The following CDH12 variants were observed in gnomAD, a reference collection of about 807,000 sequenced individuals.
CDH12 encodes cadherin-12.
CDH12 carries 41 observed loss-of-function variants against 74.1 expected under a neutral mutation model. The observed-to-expected ratio is 0.55, with a 90% confidence interval of 0.43 to 0.72. CDH12 has a LOEUF of 0.72. Among genes scored for constraint, CDH12 ranks in the 30% least tolerant of loss-of-function variants. The pLI is 0.00. For missense variants in CDH12, 945 were observed against 977.2 expected (o/e 0.97, Z 0.44); for synonymous variants, 399 against 355.0 (o/e 1.12, Z -1.39).
At chr5:22,372,094 C>A (rs1741316535) in intron 3 of CDH12, among the ~76,000 whole-genome samples, 1 of 152,158 alleles carries the variant, frequency 6.6e-6, no homozygotes, top group South Asian at 2.1e-4. Flanking sequence ...ATAATGCTAG[C>A]TTAGTTCAGA....
chr5:22,362,499 T>C (rs1309215289), intron 3 of CDH12, among the ~76,000 whole-genome samples: 5 of 152,166 alleles, frequency 3.3e-5, no homozygotes, highest in African/African-American at 4.8e-5. Context: ...TAAACTAGTT[T>C]AACCATTGTG....
intron 11 of CDH12, among the ~76,000 whole-genome samples, chr5:21,780,964 CAAAG>C (rs1402527775): frequency 2.0e-5 from 3 of 152,008 alleles, no homozygotes; most frequent in Non-Finnish European, 4.4e-5. Context: ...TTGGGGAAAA[CAAAG>C]AGAATGAGGA....
At chr5:22,233,611 C>A (rs1480539601) in intron 3 of CDH12, among the ~76,000 whole-genome samples, 1 of 152,140 alleles carries the variant, frequency 6.6e-6, no homozygotes, top group Non-Finnish European at 1.5e-5. Flanking sequence ...CACCAAATGT[C>A]ATTTCTTCAG....
Position 21,975,092 on chromosome 5 carries a change from C to T in CDH12, c.525G>A (p.Val175=), listed in dbSNP as rs2150122418. The T allele has an allele frequency of 6.3e-7, 1 of 1,591,442 alleles. No homozygotes were observed. The highest frequency in any genetic ancestry group is 1.3e-5 in the African/African-American group (1 of 74,606). ...YVATVPEMSP[V]GAYVLQVKAT... ...CAGAATTTTGATTTGCCTACTCACC[C>T]ACAGGAGACATTTCTGGAACAGTAG... Residue 175 remains valine, a splice_region_variant and synonymous_variant, in exon 6 of 15, where the codon GTG becomes GTA. Coordinates refer to ENST00000382254, the MANE Select transcript of CDH12 (RefSeq NM_004061.5).
At chr5:22,126,100 C>T (rs1745850370) in intron 4 of CDH12, among the ~76,000 whole-genome samples, 1 of 151,680 alleles carries the variant, frequency 6.6e-6, no homozygotes, top group Admixed American at 6.6e-5. Context: ...TTTAATAAAG[C>T]TTACATAGGA....
Position 22,290,140 on chromosome 5 carries a change from A to C in CDH12, c.-332-77497T>G, listed in dbSNP as rs566450422. Among the ~76,000 whole-genome samples, 3 of 152,266 alleles carry C rather than the reference A, an allele frequency of 2.0e-5. No individual in the cohort carries two copies. The East Asian group carries it at 5.8e-4, about 29-fold the overall frequency. On this transcript the variant is annotated intron_variant, in intron 3 of 14. Coordinates refer to ENST00000382254, the MANE Select transcript of CDH12 (RefSeq NM_004061.5). ...TACCCCAGTGCCATGCCTGCTACAA[A>C]GCTTTCTCAGTCAAAGCCAGTCTGC...
intron 1 of CDH12, among the ~76,000 whole-genome samples, chr5:22,721,927 C>T (rs1743917929): frequency 6.6e-6 from 1 of 152,138 alleles, no homozygotes; most frequent in Non-Finnish European, 1.5e-5. Flanking sequence ...GATGCCTCCC[C>T]AGCCATGCAG....
chr5:22,347,730 G>T (rs1193741292), intron 3 of CDH12, among the ~76,000 whole-genome samples: 2 of 152,108 alleles, frequency 1.3e-5, no homozygotes, highest in African/African-American at 2.4e-5. Context: ...ATTATTATTT[G>T]TAGCATTAGT....
chr5:22,646,854 C>G (rs757428017), intron 1 of CDH12, among the ~76,000 whole-genome samples: 9 of 151,806 alleles, frequency 5.9e-5, no homozygotes, highest in South Asian at 4.1e-4. Context: ...CACCCATAAC[C>G]TAGGTTAGTT....
intron 6 of CDH12, among the ~76,000 whole-genome samples, chr5:21,915,734 G>C (rs1385969281): frequency 6.6e-6 from 1 of 151,888 alleles, no homozygotes; most frequent in Non-Finnish European, 1.5e-5. Flanking sequence ...ATGGAGGGAG[G>C]TCATGCTCAA....
chr5:21,894,430 A>G (rs1200397913), intron 6 of CDH12, among the ~76,000 whole-genome samples: 1 of 151,686 alleles, frequency 6.6e-6, no homozygotes, highest in Non-Finnish European at 1.5e-5. Context: ...TCAGGTTATG[A>G]ATATTCCCAG....
At chr5:22,562,213 AG>A (rs1296710304) in intron 1 of CDH12, among the ~76,000 whole-genome samples, 2 of 151,842 alleles carry the variant, frequency 1.3e-5, no homozygotes, top group Non-Finnish European at 3.0e-5. Flanking sequence ...GCTACTTGGG[AG>A]GCTGAGGCAG....
chr5:22,425,878 T>C (rs1007799971), intron 2 of CDH12, among the ~76,000 whole-genome samples: 5 of 152,116 alleles, frequency 3.3e-5, no homozygotes, highest in South Asian at 2.1e-4. Flanking sequence ...TCCTGGATCG[T>C]CAACACAAAC....
At chr5:22,664,020 C>A (rs1740481514) in intron 1 of CDH12, among the ~76,000 whole-genome samples, 1 of 151,722 alleles carries the variant, frequency 6.6e-6, no homozygotes, top group Non-Finnish European at 1.5e-5. Context: ...TACATAAAGT[C>A]CTTTTATTAT....
chr5:22,041,083 T>G (rs1262269992), intron 5 of CDH12, among the ~76,000 whole-genome samples: 2 of 152,038 alleles, frequency 1.3e-5, no homozygotes, highest in African/African-American at 4.8e-5. Context: ...CTAGAGTTTT[T>G]TATGTACCTG....
At chr5:22,074,484 G>T (rs1482928302) in intron 5 of CDH12, among the ~76,000 whole-genome samples, 2 of 152,154 alleles carry the variant, frequency 1.3e-5, no homozygotes, top group African/African-American at 4.8e-5. Flanking sequence ...AAACTAAAGA[G>T]CTTCCGCACA....
rs142519308 is a variant in CDH12 at position 22,089,142 on chromosome 5, G to A, written c.-186-10280C>T. ...AAGATAGAAAACAGAAAAATTCTGA[G>A]CAGGCAGAGGCTGAAAACTGTGGGG... On this transcript the variant is annotated intron_variant, in intron 4 of 14. Transcript: ENST00000382254. Among the ~76,000 whole-genome samples the A allele has an allele frequency of 3.1e-3, 475 of 152,294 alleles. 2 individuals are homozygous for A. Among genetic ancestry groups the A allele is most frequent in the Non-Finnish European group, 5.0e-3 (342 of 68,030 alleles).
At chr5:22,799,749 G>A (rs560965927) in intron 1 of CDH12, among the ~76,000 whole-genome samples, 13 of 152,106 alleles carry the variant, frequency 8.5e-5, no homozygotes, top group African/African-American at 2.2e-4. Context: ...GAACACTCAC[G>A]TTAAGAAATA....
intron 9 of CDH12, among the ~76,000 whole-genome samples, chr5:21,816,624 CAAAAAAAA>C (rs542222336): frequency 0.034 from 605 of 17,916 alleles, 2 homozygotes; most frequent in Non-Finnish European, 0.05. Flanking sequence ...AACTCCATCT[CAAAAAAAA>C]AAAAAAAAAA....
Sources: gnomAD v4.1 joint callset for allele counts (sites outside exome capture counted in the v4.1 genomes callset) on GRCh38, gnomAD v4.1.1 for gene constraint, MANE v1.5 for transcripts, NCBI Gene and HGNC (gene_info 2026-07-23, HGNC 2026-07-21) for gene names.